Variants in KCNQ3 observed in about 807,000 individuals in gnomAD.
The protein encoded by KCNQ3 is potassium voltage-gated channel subfamily Q member 3.
Under a neutral mutation model 92.5 loss-of-function variants are expected in KCNQ3, and 30 were observed. The observed-to-expected ratio is 0.32, with a 90% CI of 0.24 to 0.44. The LOEUF (loss-of-function observed/expected upper bound fraction) is 0.44. Ranked by LOEUF, KCNQ3 falls within the 20% of genes least tolerant of loss-of-function variation. KCNQ3 has a pLI of 1.00. For synonymous variants in KCNQ3, 450 were observed against 468.8 expected (o/e 0.96, Z 0.52); for missense variants, 913 against 1,140.3 (o/e 0.80, Z 2.87).
intron 1 of KCNQ3, among the ~76,000 whole-genome samples, chr8:132,449,501 C>A (rs1821772238): frequency 6.6e-6 from 1 of 152,032 alleles, no homozygotes; most frequent in African/African-American, 2.4e-5. Context: ...TTCTGATTTC[C>A]AGTTCAGGTC....
intron 1 of KCNQ3, among the ~76,000 whole-genome samples, chr8:132,219,330 G>A (rs1814141958): frequency 6.6e-6 from 1 of 152,042 alleles, no homozygotes; most frequent in Non-Finnish European, 1.5e-5. Flanking sequence ...CCTTATTCAT[G>A]CCCAGTGAGC....
At chr8:132,340,918 C>A (rs752182968) in intron 1 of KCNQ3, among the ~76,000 whole-genome samples, 13 of 152,182 alleles carry the variant, frequency 8.5e-5, no homozygotes, top group Admixed American at 3.3e-4. Context: ...TCAAGGAGTT[C>A]TCTGATATAG....
At chr8:132,189,907 A>AAAG (rs1480816124) in intron 1 of KCNQ3, among the ~76,000 whole-genome samples, 2,771 of 131,530 alleles carry the variant, frequency 0.021, 53 homozygotes, top group Non-Finnish European at 0.032. Context: ...AAAAAAAAAA[A>AAAG]AGAGAGAGAG....
At chr8:132,462,498 C>T (rs1822085440) in intron 1 of KCNQ3, among the ~76,000 whole-genome samples, 2 of 152,202 alleles carry the variant, frequency 1.3e-5, no homozygotes, top group South Asian at 2.1e-4. Flanking sequence ...GTGAATTGTA[C>T]ACTTTTAAAT....
chr8:132,250,751 G>T (rs1180475272), intron 1 of KCNQ3, among the ~76,000 whole-genome samples: 2 of 152,136 alleles, frequency 1.3e-5, no homozygotes, highest in East Asian at 3.9e-4. Flanking sequence ...AGCTCACTGG[G>T]CACTCTGTCA....
intron 1 of KCNQ3, among the ~76,000 whole-genome samples, chr8:132,412,998 A>G (rs571230577): frequency 6.6e-6 from 1 of 152,220 alleles, no homozygotes; most frequent in Non-Finnish European, 1.5e-5. Context: ...CTCACAGTGG[A>G]GTACACACTA....
intron 1 of KCNQ3, among the ~76,000 whole-genome samples, chr8:132,300,790 G>A (rs1264482946): frequency 6.6e-6 from 1 of 152,162 alleles, no homozygotes; most frequent in Non-Finnish European, 1.5e-5. Context: ...AACTCTGGCA[G>A]GTTAATTCTT....
chr8:132,243,027 G>A (rs532033629), intron 1 of KCNQ3, among the ~76,000 whole-genome samples: 1 of 152,322 alleles, frequency 6.6e-6, no homozygotes, highest in South Asian at 2.1e-4. Context: ...TTTTGAGGAG[G>A]AATAAGACAA....
At chr8:132,303,342 T>C (rs1358402247) in intron 1 of KCNQ3, among the ~76,000 whole-genome samples, 6 of 151,602 alleles carry the variant, frequency 4.0e-5, no homozygotes, top group Admixed American at 6.6e-5. Context: ...TATTTAAAAA[T>C]GTATACAACT....
chr8:132,297,305 G>A (rs1203973883), intron 1 of KCNQ3, among the ~76,000 whole-genome samples: 12 of 152,016 alleles, frequency 7.9e-5, no homozygotes, highest in Admixed American at 7.2e-4. Flanking sequence ...TTTGTCAGAT[G>A]AGTAGGTTGC....
chr8:132,251,429 C>T (rs1815405573), intron 1 of KCNQ3, among the ~76,000 whole-genome samples: 1 of 152,208 alleles, frequency 6.6e-6, no homozygotes, highest in African/African-American at 2.4e-5. Flanking sequence ...GATACTACTC[C>T]TCCTGATATC....
chr8:132,248,838 G>C (rs942537147), intron 1 of KCNQ3, among the ~76,000 whole-genome samples: 1 of 152,206 alleles, frequency 6.6e-6, no homozygotes, highest in Non-Finnish European at 1.5e-5. Flanking sequence ...TGGGACTGTT[G>C]GGAAAGAGGT....
intron 1 of KCNQ3, among the ~76,000 whole-genome samples, chr8:132,187,394 T>C (rs1444353227): frequency 6.6e-6 from 1 of 152,216 alleles, no homozygotes; most frequent in Non-Finnish European, 1.5e-5. Context: ...CTTCTGACCT[T>C]GGCTGGGACC....
intron 8 of KCNQ3, among the ~76,000 whole-genome samples, chr8:132,167,234 A>G (rs1276597588): frequency 6.6e-6 from 1 of 152,216 alleles, no homozygotes; most frequent in East Asian, 1.9e-4. Context: ...TAGGTGAAAG[A>G]AAGACAGAAA....
intron 1 of KCNQ3, among the ~76,000 whole-genome samples, chr8:132,273,065 G>A (rs1455493288): frequency 6.6e-6 from 1 of 152,144 alleles, no homozygotes; most frequent in Non-Finnish European, 1.5e-5. Context: ...GGGGTCTGGA[G>A]GATGGCGGCC....
chr8:132,232,579 A>G (rs1250266314), intron 1 of KCNQ3, among the ~76,000 whole-genome samples: 1 of 152,218 alleles, frequency 6.6e-6, no homozygotes, highest in South Asian at 2.1e-4. Flanking sequence ...TTGAACAACT[A>G]ACACAGTGGG....
At chr8:132,458,547 C>T (rs563837692) in intron 1 of KCNQ3, among the ~76,000 whole-genome samples, 56 of 152,354 alleles carry the variant, frequency 3.7e-4, no homozygotes, top group African/African-American at 9.6e-4. Context: ...CTCCGCCTCC[C>T]GGGTTCAAGT....
At chr8:132,152,158 C>G (rs570417593) in intron 9 of KCNQ3, among the ~76,000 whole-genome samples, 46 of 152,216 alleles carry the variant, frequency 3.0e-4, no homozygotes, top group African/African-American at 1.1e-3. Flanking sequence ...TTTCTGATAA[C>G]TTTGGAGATT....
At chr8:132,422,575 T>C (rs1227375223) in intron 1 of KCNQ3, among the ~76,000 whole-genome samples, 1 of 152,152 alleles carries the variant, frequency 6.6e-6, no homozygotes, top group African/African-American at 2.4e-5. Context: ...CCTCAGGATC[T>C]CAGGACACGT....
Sources: allele counts gnomAD v4.1 joint callset (sites outside exome capture counted in the v4.1 genomes callset), GRCh38; gene constraint gnomAD v4.1.1; transcripts MANE v1.5; gene names NCBI Gene and HGNC (gene_info 2026-07-23, HGNC 2026-07-21).